The following RNF130 variants were observed in gnomAD, a reference collection of about 807,000 sequenced individuals.
The protein encoded by RNF130 is ring finger protein 130.
In RNF130, 21 loss-of-function variants were observed where a neutral mutation model predicts 44.6. The observed-to-expected ratio is 0.47, with a 90% confidence interval of 0.33 to 0.68. The LOEUF (loss-of-function observed/expected upper bound fraction) is 0.68, where lower values mean the gene tolerates loss of function less well. Among genes scored for constraint, RNF130 ranks in the 30% least tolerant of loss-of-function variants. RNF130 has a pLI of 0.02. For missense variants in RNF130, 479 were observed against 560.6 expected (o/e 0.85, Z 1.47); for synonymous variants, 214 against 210.4 (o/e 1.02, Z -0.15).
At chr5:180,035,406 G>T (rs1764227072) in intron 2 of RNF130, among the ~76,000 whole-genome samples, 1 of 152,162 alleles carries the variant, frequency 6.6e-6, no homozygotes, top group African/African-American at 2.4e-5. Flanking sequence ...ATTCAGACTT[G>T]ATTTACAGCC....
At chr5:180,042,079 T>C (rs1373503615) in intron 1 of RNF130, among the ~76,000 whole-genome samples, 1 of 152,086 alleles carries the variant, frequency 6.6e-6, no homozygotes, top group Non-Finnish European at 1.5e-5. Flanking sequence ...TTAATTGTAG[T>C]AGATAAAGAG....
intron 3 of RNF130, among the ~76,000 whole-genome samples, chr5:179,999,350 C>CA (rs1383211683): frequency 1.3e-5 from 2 of 152,158 alleles, no homozygotes; most frequent in Non-Finnish European, 2.9e-5. Flanking sequence ...ACAGCCACTC[C>CA]TGCTTAGTTT....
intron 7 of RNF130, among the ~76,000 whole-genome samples, chr5:179,927,092 T>A (rs1761718365): frequency 6.6e-6 from 1 of 152,226 alleles, no homozygotes; most frequent in South Asian, 2.1e-4. Flanking sequence ...GAATCTTTTT[T>A]GTTAGGGTAG....
intron 1 of RNF130, among the ~76,000 whole-genome samples, chr5:180,051,295 G>A (rs1336633513): frequency 7.7e-6 from 1 of 129,212 alleles, no homozygotes; most frequent in East Asian, 2.4e-4. Flanking sequence ...TGTCACCCAG[G>A]CTGGAATGCA....
chr5:179,924,772 G>C (rs1166184178), intron 7 of RNF130, among the ~76,000 whole-genome samples: 2 of 152,170 alleles, frequency 1.3e-5, no homozygotes, highest in Non-Finnish European at 2.9e-5. Flanking sequence ...CTGGGTGACA[G>C]AGTGAGGCTA....
intron 7 of RNF130, among the ~76,000 whole-genome samples, chr5:179,941,273 A>G (rs1426634625): frequency 6.6e-6 from 1 of 152,166 alleles, no homozygotes; most frequent in African/African-American, 2.4e-5. Flanking sequence ...GACGTTGCTG[A>G]TGGTGACCTT....
At chr5:180,021,847 C>G (rs999751379) in intron 2 of RNF130, among the ~76,000 whole-genome samples, 5 of 152,156 alleles carry the variant, frequency 3.3e-5, no homozygotes, top group Non-Finnish European at 7.4e-5. Context: ...GAAGTCCATC[C>G]AAGCTTCTGC....
exon 8 of RNF130, chr5:179,912,619 A>G (rs888136183): frequency 3.3e-5 from 5 of 152,338 alleles, no homozygotes; most frequent in Admixed American, 1.3e-4. Context: ...GGCCACACCT[A>G]CTGGCCCAGT....
intron 7 of RNF130, among the ~76,000 whole-genome samples, chr5:179,925,437 ATC>A (rs1761694490): frequency 6.6e-6 from 1 of 152,222 alleles, no homozygotes; most frequent in Non-Finnish European, 1.5e-5. Flanking sequence ...TGCCCTACGC[ATC>A]TGTCAACCAA....
downstream of RNF130, among the ~76,000 whole-genome samples, chr5:179,952,200 CA>C (rs1762135995): frequency 2.7e-5 from 4 of 150,214 alleles, no homozygotes; most frequent in South Asian, 8.4e-4. Flanking sequence ...ATCTCAAAAA[CA>C]AAACAAAAAA....
chr5:180,066,914 A>G (rs1765121114), intron 1 of RNF130, among the ~76,000 whole-genome samples: 1 of 152,240 alleles, frequency 6.6e-6, no homozygotes, highest in Non-Finnish European at 1.5e-5. Context: ...AGTCTCAGCT[A>G]CTGGGGAGAC....
chr5:179,994,304 G>A (rs1445311918), intron 3 of RNF130, among the ~76,000 whole-genome samples: 1 of 152,200 alleles, frequency 6.6e-6, no homozygotes, highest in Non-Finnish European at 1.5e-5. Flanking sequence ...ACCTTGGGCA[G>A]TATGGCCATT....
chr5:179,939,036 C>T (rs1761937319), intron 7 of RNF130, among the ~76,000 whole-genome samples: 1 of 152,122 alleles, frequency 6.6e-6, no homozygotes, highest in Admixed American at 6.5e-5. Context: ...CAAGACCAGC[C>T]TGGCCAACAT....
chr5:180,012,687 C>G (rs756845556), intron 3 of RNF130, among the ~76,000 whole-genome samples: 1 of 152,164 alleles, frequency 6.6e-6, no homozygotes, highest in Admixed American at 6.5e-5. Context: ...AAGAATTTCA[C>G]ATAGGAAGGG....
Position 179,980,180 on chromosome 5 carries a change from G to C in RNF130, c.714C>G (p.Ala238=). The change falls in exon 4 of 9, where the codon GCC becomes GCG. Residue 238 remains alanine, a synonymous_variant. Transcript: ENST00000521389. ...DRNQRRLGDA[A]KKAISKLTTR... Reference sequence around the variant, plus strand: ...TTGTCAATTTACTGATGGCTTTCTTGGCTGCATCTCCGAGACGACGCTATG... The same window carrying C: ...TTGTCAATTTACTGATGGCTTTCTTCGCTGCATCTCCGAGACGACGCTATG... 1 of 1,613,874 alleles carries C rather than the reference G, an allele frequency of 6.2e-7. No homozygotes were observed. The highest frequency in any genetic ancestry group is 8.5e-7 in the Non-Finnish European group (1 of 1,179,924).
intron 2 of RNF130, chr5:180,015,163 CTAAT>C (rs1324560350): frequency 1.1e-5 from 3 of 271,712 alleles, no homozygotes; most frequent in Non-Finnish European, 2.5e-5. Flanking sequence ...CAATAAACAT[CTAAT>C]TAATATCTAA....
At chr5:179,996,990 T>A (rs1763213994) in intron 3 of RNF130, among the ~76,000 whole-genome samples, 1 of 152,240 alleles carries the variant, frequency 6.6e-6, no homozygotes, top group African/African-American at 2.4e-5. Flanking sequence ...TCACTTTAAT[T>A]ACTCATAACT....
chr5:179,962,176 G>A (rs1340556511), intron 8 of RNF130, among the ~76,000 whole-genome samples: 2 of 152,222 alleles, frequency 1.3e-5, no homozygotes, highest in Non-Finnish European at 2.9e-5. Flanking sequence ...TGGTTCACCT[G>A]CTGGATGAGG....
intron 7 of RNF130, among the ~76,000 whole-genome samples, chr5:179,920,947 T>G (rs1442264530): frequency 1.3e-5 from 2 of 152,158 alleles, no homozygotes; most frequent in East Asian, 3.9e-4. Flanking sequence ...CTGTGGAAGA[T>G]GAGGATTTTC....
Sources: allele counts gnomAD v4.1 joint callset (sites outside exome capture counted in the v4.1 genomes callset), GRCh38; gene constraint gnomAD v4.1.1; transcripts MANE v1.5; gene names NCBI Gene and HGNC (gene_info 2026-07-23, HGNC 2026-07-21).